APBB2: variants seen among roughly 807,000 people sequenced by gnomAD.
APBB2 encodes Fe65-like 1.
Under a neutral mutation model 82.5 loss-of-function variants are expected in APBB2, and 38 were observed. That is an observed-to-expected ratio of 0.46 (90% CI 0.36 to 0.60). The LOEUF (loss-of-function observed/expected upper bound fraction) is 0.60. APBB2 is among the 20% of genes least tolerant of loss of function. APBB2 has a pLI of 0.00. For missense variants in APBB2, 772 were observed against 972.3 expected (o/e 0.79, Z 2.74); for synonymous variants, 341 against 368.2 (o/e 0.93, Z 0.85).
intron 12 of APBB2, among the ~76,000 whole-genome samples, chr4:40,871,183 C>A (rs1217337474): frequency 1.3e-5 from 2 of 152,166 alleles, no homozygotes; most frequent in Non-Finnish European, 2.9e-5. Flanking sequence ...ACTCTGTTGC[C>A]CAGGCTAGAG....
chr4:40,995,876 C>T (rs188434156), intron 6 of APBB2, among the ~76,000 whole-genome samples: 2 of 152,182 alleles, frequency 1.3e-5, no homozygotes, highest in East Asian at 1.9e-4. Flanking sequence ...CACTATGTTG[C>T]CCAGGCTGGT....
intron 6 of APBB2, among the ~76,000 whole-genome samples, chr4:41,005,745 A>G (rs1806526955): frequency 6.6e-6 from 1 of 152,266 alleles, no homozygotes. Flanking sequence ...GTAAAGAGAG[A>G]GAAAACAATC....
In APBB2 at chr4:41,119,099, A is replaced by G. The variant is rs1442373857; in HGVS notation, c.-260-18349T>C. Among the ~76,000 whole-genome samples, 8 of 152,102 alleles carry G rather than the reference A, an allele frequency of 5.3e-5. No individual in the cohort carries two copies. The East Asian group carries it at 1.4e-3, about 26-fold the overall frequency. ...GGCTGCGGCAAACCGAGATCATGCC[A>G]CTGCACTCCAGCCTGGGTGACAGAG... On this transcript the variant is annotated intron_variant, in intron 2 of 17. Transcript: ENST00000508593.
At chr4:41,025,451 T>G (rs555796822) in intron 5 of APBB2, among the ~76,000 whole-genome samples, 6 of 152,078 alleles carry the variant, frequency 3.9e-5, no homozygotes, top group African/African-American at 1.2e-4. Flanking sequence ...AGTGTGGCGA[T>G]TTCTCAAAAA....
At chr4:40,853,748 C>A (rs1760245214) in intron 12 of APBB2, among the ~76,000 whole-genome samples, 1 of 152,068 alleles carries the variant, frequency 6.6e-6, no homozygotes, top group Non-Finnish European at 1.5e-5. Context: ...TGAGCCACCA[C>A]ACCCAGCTGT....
At chr4:41,167,269 A>G (rs1274723486) in intron 1 of APBB2, among the ~76,000 whole-genome samples, 1 of 152,158 alleles carries the variant, frequency 6.6e-6, no homozygotes, top group Non-Finnish European at 1.5e-5. Flanking sequence ...ACTGTCTACT[A>G]TGGAGGCTCC....
At chr4:41,154,790 A>C (rs1427910147) in intron 1 of APBB2, among the ~76,000 whole-genome samples, 1 of 152,218 alleles carries the variant, frequency 6.6e-6, no homozygotes, top group Non-Finnish European at 1.5e-5. Context: ...TGTGTTTTAA[A>C]AGTCCTATGC....
chr4:41,081,288 G>A (rs1164216073), intron 3 of APBB2, among the ~76,000 whole-genome samples: 2 of 152,126 alleles, frequency 1.3e-5, no homozygotes, highest in Admixed American at 6.6e-5. Flanking sequence ...GTGTATGTGT[G>A]TACGTGTGTA....
intron 10 of APBB2, among the ~76,000 whole-genome samples, chr4:40,923,963 C>G (rs534519162): frequency 2.6e-5 from 4 of 152,184 alleles, no homozygotes; most frequent in Non-Finnish European, 4.4e-5. Flanking sequence ...CAAAAGCTGT[C>G]CTCCGGGATA....
intron 10 of APBB2, among the ~76,000 whole-genome samples, chr4:40,920,370 C>T (rs560141945): frequency 4.6e-5 from 7 of 152,338 alleles, no homozygotes; most frequent in African/African-American, 1.4e-4. Flanking sequence ...TACCCAGTCT[C>T]GTGTATGTCT....
chr4:40,915,076 C>T (rs1330783599), intron 10 of APBB2, among the ~76,000 whole-genome samples: 1 of 152,220 alleles, frequency 6.6e-6, no homozygotes, highest in African/African-American at 2.4e-5. Flanking sequence ...TGAAATACCT[C>T]TCAAACACTT....
rs1161043741 is a variant in APBB2 at position 41,159,961 on chromosome 4, G to GAGAAGAAGAAGAAGAAGA, written c.-416-16837_-416-16820dup. 6.0e-3 allele frequency among the ~76,000 whole-genome samples: 193 copies of GAGAAGAAGAAGAAGAAGA among 31,978 alleles called. 15 individuals are homozygous for GAGAAGAAGAAGAAGAAGA. Among genetic ancestry groups the GAGAAGAAGAAGAAGAAGA allele is most frequent in the East Asian group, 0.03 (30 of 998 alleles). The allele number at this position is 31,978 out of a possible 152,430, so 21.0% of individuals were successfully genotyped here. A position where few individuals can be genotyped will look rare whatever the true frequency, so the allele number is the denominator to read the frequency against. On this transcript the variant is annotated intron_variant, in intron 1 of 17. Transcript: ENST00000508593. ...GGAGGAGGAGAAGGAGAAGGAGAAG[G>GAGAAGAAGAAGAAGAAGA]AGAAGAAGAAGAAGAAGAAGAAGAA...
intron 2 of APBB2, among the ~76,000 whole-genome samples, chr4:41,103,644 A>G (rs1746192723): frequency 6.6e-6 from 1 of 152,188 alleles, no homozygotes; most frequent in Non-Finnish European, 1.5e-5. Flanking sequence ...AAGAAAAAAA[A>G]AGCCAACATT....
intron 12 of APBB2, chr4:40,880,926 T>C (rs917118625): frequency 1.0e-6 from 1 of 980,648 alleles, no homozygotes; most frequent in Non-Finnish European, 1.2e-6. Flanking sequence ...CATAGATTCA[T>C]GAACAGGGAC....
intron 7 of APBB2, among the ~76,000 whole-genome samples, chr4:40,938,737 G>C (rs759136334): frequency 6.6e-6 from 1 of 152,164 alleles, no homozygotes; most frequent in Non-Finnish European, 1.5e-5. Context: ...GAGAGGAAAA[G>C]CACTAAAACA....
intron 4 of APBB2, among the ~76,000 whole-genome samples, chr4:41,040,927 C>A (rs1721129666): frequency 6.6e-6 from 1 of 152,150 alleles, no homozygotes; most frequent in Non-Finnish European, 1.5e-5. Context: ...GTCGCCCAGG[C>A]TGGAGTGCAG....
chr4:41,110,003 A>T (rs1205534957), intron 2 of APBB2, among the ~76,000 whole-genome samples: 1 of 152,110 alleles, frequency 6.6e-6, no homozygotes, highest in African/African-American at 2.4e-5. Flanking sequence ...GATGAGACAA[A>T]TTTTATCATC....
chr4:40,997,709 C>CA (rs1183419002), intron 6 of APBB2, among the ~76,000 whole-genome samples: 2 of 152,068 alleles, frequency 1.3e-5, no homozygotes, highest in Non-Finnish European at 2.9e-5. Flanking sequence ...TGATAGGGCA[C>CA]AAAAAATAAA....
intron 5 of APBB2, among the ~76,000 whole-genome samples, chr4:41,023,122 G>A (rs1712405589): frequency 1.3e-5 from 2 of 152,320 alleles, no homozygotes; most frequent in African/African-American, 2.4e-5. Context: ...AAAAGCATAT[G>A]TTTTGTAACT....
Sources: allele counts gnomAD v4.1 joint callset (sites outside exome capture counted in the v4.1 genomes callset), GRCh38; gene constraint gnomAD v4.1.1; transcripts MANE v1.5; gene names NCBI Gene and HGNC (gene_info 2026-07-23, HGNC 2026-07-21).